Variants in ADAMTS17 observed in about 807,000 individuals in gnomAD.
ADAMTS17 encodes the protein A disintegrin and metalloproteinase with thrombospondin motifs 17.
In ADAMTS17, 113 loss-of-function variants were observed where a neutral mutation model predicts 141.5. The ratio of observed to expected loss-of-function variants is 0.80; its 90% CI spans 0.69 to 0.93. ADAMTS17 has a LOEUF of 0.93. ADAMTS17 is among the 40% of genes least tolerant of loss of function. The pLI, the probability that ADAMTS17 is intolerant of heterozygous loss-of-function variation, is 0.00. For synonymous variants in ADAMTS17, 768 were observed against 630.6 expected, an observed-to-expected ratio of 1.22 and a Z score of -3.27; for missense variants, 1,659 against 1,517.9, an observed-to-expected ratio of 1.09 and a Z score of -1.54.
intron 8 of ADAMTS17, among the ~76,000 whole-genome samples, chr15:100,161,230 C>T (rs575989222): frequency 1.2e-4 from 19 of 152,348 alleles, no homozygotes; most frequent in African/African-American, 3.8e-4. Flanking sequence ...CAGCACTCGA[C>T]CCCTCCTGGC....
chr15:100,326,065 A>G (rs1470393441), intron 3 of ADAMTS17, among the ~76,000 whole-genome samples: 1 of 152,238 alleles, frequency 6.6e-6, no homozygotes, highest in African/African-American at 2.4e-5. Context: ...ACAGAAGCAC[A>G]GAGACATCAA....
intron 3 of ADAMTS17, among the ~76,000 whole-genome samples, chr15:100,296,633 G>A (rs370101212): frequency 2.8e-4 from 42 of 152,196 alleles, no homozygotes; most frequent in Non-Finnish European, 4.6e-4. Context: ...GCACGCGCAC[G>A]TGCATTTACG....
intron 15 of ADAMTS17, among the ~76,000 whole-genome samples, chr15:100,080,685 CCTT>C (rs1219205744): frequency 6.6e-6 from 1 of 152,148 alleles, no homozygotes. Flanking sequence ...ATTATTTCCT[CCTT>C]TTTTTGCTAA....
intron 3 of ADAMTS17, among the ~76,000 whole-genome samples, chr15:100,297,401 G>C (rs989092751): frequency 2.6e-5 from 4 of 152,100 alleles, no homozygotes; most frequent in Admixed American, 1.3e-4. Flanking sequence ...GAGATTCCAG[G>C]GCACACTGGT....
At chr15:100,165,676 G>A (rs2039921019) in intron 8 of ADAMTS17, among the ~76,000 whole-genome samples, 1 of 152,154 alleles carries the variant, frequency 6.6e-6, no homozygotes, top group African/African-American at 2.4e-5. Context: ...CTACTGTGAG[G>A]GGCTGTGCTA....
intron 7 of ADAMTS17, among the ~76,000 whole-genome samples, chr15:100,244,490 G>A (rs1321633309): frequency 6.6e-6 from 1 of 151,742 alleles, no homozygotes; most frequent in East Asian, 2.0e-4. Flanking sequence ...CTGGTGGGAG[G>A]TAAATGAATT....
chr15:100,180,736 T>C (rs182898767), intron 8 of ADAMTS17, among the ~76,000 whole-genome samples: 33 of 152,336 alleles, frequency 2.2e-4, no homozygotes, highest in African/African-American at 7.7e-4. Context: ...ATCTTTTACT[T>C]CTTTGGTTAA....
intron 20 of ADAMTS17, among the ~76,000 whole-genome samples, chr15:99,985,480 A>G (rs946641642): frequency 5.3e-5 from 8 of 152,062 alleles, no homozygotes; most frequent in African/African-American, 1.9e-4. Context: ...GAGATAAGAG[A>G]TTTACACTAA....
chr15:100,207,145 T>C (rs764996952), intron 7 of ADAMTS17, among the ~76,000 whole-genome samples: 2 of 152,168 alleles, frequency 1.3e-5, no homozygotes, highest in Non-Finnish European at 2.9e-5. Flanking sequence ...GGTGGGGCCC[T>C]GATCCAACAG....
At chr15:100,197,986 G>T (rs1476353505) in intron 8 of ADAMTS17, among the ~76,000 whole-genome samples, 1 of 152,132 alleles carries the variant, frequency 6.6e-6, no homozygotes, top group African/African-American at 2.4e-5. Context: ...AGAACACATG[G>T]ACACAGGGAG....
chr15:100,139,360 A>G (rs919718862), intron 10 of ADAMTS17, among the ~76,000 whole-genome samples: 9 of 152,242 alleles, frequency 5.9e-5, no homozygotes, highest in African/African-American at 9.6e-5. Context: ...ATGTAGACTC[A>G]TTGACATAAA....
intron 8 of ADAMTS17, among the ~76,000 whole-genome samples, chr15:100,196,509 G>A (rs1234360449): frequency 1.3e-5 from 2 of 152,238 alleles, no homozygotes; most frequent in African/African-American, 4.8e-5. Flanking sequence ...GTAACGAACA[G>A]GAGAGCCACA....
intron 3 of ADAMTS17, among the ~76,000 whole-genome samples, chr15:100,303,679 C>T (rs8041080): frequency 0.5 from 75,535 of 151,928 alleles, 19,097 homozygotes; most frequent in South Asian, 0.65. Flanking sequence ...CTTCACTCTG[C>T]TCAACAGTTT....
chr15:100,319,363 C>T lies in ADAMTS17; in HGVS notation c.616+11526G>A, dbSNP rs571132594. On this transcript the variant is annotated intron_variant, in intron 3 of 21. Coordinates refer to ENST00000268070, the MANE Select transcript of ADAMTS17 (RefSeq NM_139057.4). ...AACACATCAGCAGAATTTGAGCTCA[C>T]GGTATAAAATTACAATCCACATGTG... is the stretch of plus-strand genomic sequence containing the variant. 1.5e-4 allele frequency among the ~76,000 whole-genome samples: 23 copies of T among 152,296 alleles called. No homozygotes were observed. In the South Asian group the frequency reaches 3.3e-3, roughly 22 times the overall value.
intron 2 of ADAMTS17, among the ~76,000 whole-genome samples, chr15:100,331,596 G>A (rs577993756): frequency 9.9e-5 from 15 of 152,200 alleles, no homozygotes; most frequent in South Asian, 2.1e-4. Flanking sequence ...CAAGGAAATC[G>A]AACCCAGGCA....
intron 15 of ADAMTS17, among the ~76,000 whole-genome samples, chr15:100,078,506 G>C (rs1001482543): frequency 6.6e-6 from 1 of 152,086 alleles, no homozygotes; most frequent in African/African-American, 2.4e-5. Flanking sequence ...GGGACAACTG[G>C]ATATCCATAT....
intron 10 of ADAMTS17, among the ~76,000 whole-genome samples, chr15:100,134,224 G>T (rs906731017): frequency 5.3e-5 from 8 of 152,200 alleles, no homozygotes; most frequent in African/African-American, 1.7e-4. Context: ...GGTCCTGGGG[G>T]GGATGGCCCC....
Position 100,042,919 on chromosome 15 carries a change from C to A in ADAMTS17, c.2591+5938G>T, listed in dbSNP as rs543248847. ...AAGTGAAACTGCAAATAAGTGGGAA[C>A]TACTGTACATAATACATATATATAT... On this transcript the variant is annotated intron_variant, in intron 18 of 21. Transcript: ENST00000268070. 2.0e-5 allele frequency among the ~76,000 whole-genome samples: 3 copies of A among 152,266 alleles called. No individual in the cohort carries two copies. The South Asian group carries it at 6.2e-4, about 32-fold the overall frequency.
chr15:100,196,250 A>G (rs1456558018), intron 8 of ADAMTS17, among the ~76,000 whole-genome samples: 1 of 152,272 alleles, frequency 6.6e-6, no homozygotes, highest in Non-Finnish European at 1.5e-5. Flanking sequence ...CCATGCATAC[A>G]AAGAGACACT....
Sources: allele counts gnomAD v4.1 joint callset (sites outside exome capture counted in the v4.1 genomes callset), GRCh38; gene constraint gnomAD v4.1.1; transcripts MANE v1.5; gene names NCBI Gene and HGNC (gene_info 2026-07-23, HGNC 2026-07-21).